The following RUBCN variants were observed in gnomAD, a reference collection of about 807,000 sequenced individuals.
The protein encoded by RUBCN is rubicon autophagy regulator.
RUBCN carries 74 observed loss-of-function variants against 113.2 expected under a neutral mutation model. That is an observed-to-expected ratio of 0.65 (90% CI 0.54 to 0.79). The LOEUF (loss-of-function observed/expected upper bound fraction) is 0.79. RUBCN is among the 30% of genes least tolerant of loss of function. The pLI is 0.00. For synonymous variants in RUBCN, 480 were observed against 490.0 expected (o/e 0.98, Z 0.27); for missense variants, 1,109 against 1,251.7 (o/e 0.89, Z 1.72).
chr3:197,724,387 T>C (rs1034513065), intron 1 of RUBCN, among the ~76,000 whole-genome samples: 3 of 152,210 alleles, frequency 2.0e-5, no homozygotes, highest in Admixed American at 6.5e-5. Flanking sequence ...GAGTATCTTA[T>C]ATGTGATATA....
chr3:197,678,642 TCTAA>T (rs552229609), intron 16 of RUBCN, among the ~76,000 whole-genome samples: 1,515 of 148,524 alleles, frequency 0.01, 10 homozygotes, highest in Non-Finnish European at 0.013. Flanking sequence ...TGTCCTACGC[TCTAA>T]CTGACAACTG....
At chr3:197,709,381 T>C (rs1314427949) in intron 2 of RUBCN, among the ~76,000 whole-genome samples, 2 of 152,030 alleles carry the variant, frequency 1.3e-5, no homozygotes, top group South Asian at 2.1e-4. Context: ...AAAGCTACTA[T>C]GGGTTTTTTT....
chr3:197,686,248 C>T (rs761144843), intron 11 of RUBCN, among the ~76,000 whole-genome samples: 9 of 150,460 alleles, frequency 6.0e-5, no homozygotes, highest in African/African-American at 2.0e-4. Context: ...AGAGAAGAAA[C>T]CTTTTTTTTT....
chr3:197,675,008 C>T lies in RUBCN; in HGVS notation c.*10G>A, dbSNP rs779037299. On this transcript the variant is annotated 3_prime_UTR_variant, in exon 20 of 20. Transcript: ENST00000296343. This position sits in a 1 kb window ranked among gnomAD's most constrained non-coding sequence, Gnocchi z 4.4. The stretch of plus-strand genomic sequence containing the variant: ...GACCCGGCCCGGAGGGAGGGCTGCA[C>T]GTGCTTTCTTCAGGTGGCCTCCAGG... The T allele has an allele frequency of 2.6e-5, 42 of 1,610,628 alleles. No individual in the cohort carries two copies. The highest frequency in any genetic ancestry group is 8.9e-5 in the East Asian group (4 of 44,870).
chr3:197,677,633 C>T, intron 16 of RUBCN, 92 bp from the exon 17 acceptor site: 2 of 1,164,820 alleles, frequency 1.7e-6, no homozygotes, highest in Non-Finnish European at 2.6e-6. Context: ...CCCTGGGGTT[C>T]TAGAAGCCTT....
In RUBCN at chr3:197,681,016, G is replaced by C; in HGVS notation, c.2430+113C>G. The stretch of plus-strand genomic sequence containing the variant: ...AGGAGAGGAGACGAGGGGAGGGGAT[G>C]GGGGGAGGGGACAAGAGGAGGGGAT... On this transcript the variant is annotated intron_variant, in intron 16 of 19. Transcript: ENST00000296343. This position sits in a 1 kb window ranked among gnomAD's most constrained non-coding sequence, Gnocchi z 5.5. 1 of 647,702 alleles carries C rather than the reference G, an allele frequency of 1.5e-6. No individual in the cohort carries two copies. The highest frequency in any genetic ancestry group is 1.6e-5 in the South Asian group (1 of 63,098). The allele number at this position is 647,702 out of a possible 1,614,324, so 40.1% of individuals were successfully genotyped here.
At position 197,670,932 on chromosome 3, in the gene RUBCN, G is replaced by A. The variant is rs116294681; in HGVS notation, c.*4086C>T. ...AGGAGATGAGGACACGCTCACTACT[G>A]CAGAGACTTGGTGAGCACTAAGAGG... On this transcript the variant is annotated 3_prime_UTR_variant, in exon 20 of 20. Transcript: ENST00000296343. 8.7e-3 allele frequency among the ~76,000 whole-genome samples: 1,324 copies of A among 152,314 alleles called. 15 individuals carry two copies. The highest frequency in any genetic ancestry group is 0.031 in the African/African-American group (1,269 of 41,564).
intron 2 of RUBCN, among the ~76,000 whole-genome samples, chr3:197,712,441 G>A (rs1304364304): frequency 1.3e-5 from 2 of 152,148 alleles, no homozygotes; most frequent in Non-Finnish European, 2.9e-5. Context: ...CTCCTGACGA[G>A]GGCACAACAC....
At position 197,682,471 on chromosome 3, in the gene RUBCN, T is replaced by G. The variant is rs948044595; in HGVS notation, c.2125A>C (p.Thr709Pro). 1 of 1,614,164 alleles carries G rather than the reference T, an allele frequency of 6.2e-7. No homozygotes were observed. The highest frequency in any genetic ancestry group is 1.1e-5 in the South Asian group (1 of 91,084). Residue 709 changes from threonine to proline, a missense_variant and splice_region_variant, in exon 14 of 20, where the codon ACG becomes CCG. Coordinates refer to ENST00000296343, the MANE Select transcript of RUBCN (RefSeq NM_014687.4). ...AGGGCACAGACACTGGCCACTCACG[T>G]TGGGGCTGGATGAACATTAAAAATT... ...QIIFNVHPAPTRKIAVAKQNY... is the reference protein window; with the variant it reads ...QIIFNVHPAPPRKIAVAKQNY...
Position 197,674,855 on chromosome 3 carries a change from T to TCGGTGGTC in RUBCN, c.*162_*163insGACCACCG. The TCGGTGGTC allele has an allele frequency of 1.7e-6, 1 of 597,790 alleles. No homozygotes were observed. Among genetic ancestry groups the TCGGTGGTC allele is most frequent in the Non-Finnish European group, 2.7e-6 (1 of 367,932 alleles). The allele number at this position is 597,790 out of a possible 1,614,324, so 37.0% of individuals were successfully genotyped here. ...ACCCATCAACCTGCCGACGGCTGAC[T>TCGGTGGTC]GCACACAGACGTCAGACAAGTCAGT... On this transcript the variant is annotated 3_prime_UTR_variant, in exon 20 of 20. Transcript: ENST00000296343.
intron 18 of RUBCN, chr3:197,676,316 C>T (rs1350217371): frequency 1.0e-6 from 1 of 1,001,508 alleles, no homozygotes; most frequent in African/African-American, 1.7e-5. Flanking sequence ...TCTCCTCTCA[C>T]ATCATGACAA....
intron 1 of RUBCN, among the ~76,000 whole-genome samples, chr3:197,742,979 G>C (rs1166476922): frequency 2.6e-5 from 4 of 152,184 alleles, no homozygotes; most frequent in African/African-American, 7.2e-5. Context: ...CTTCCCTAGG[G>C]AGGGCAAGGC....
Position 197,674,930 on chromosome 3 carries a change from AGCCCC to A in RUBCN, c.*83_*87del. 1.1e-5 allele frequency: 11 copies of A among 1,043,736 alleles called. No individual in the cohort carries two copies. In the East Asian group the frequency reaches 1.1e-4, roughly 10 times the overall value. The allele number at this position is 1,043,736 out of a possible 1,614,324, so 64.7% of individuals were successfully genotyped here. On this transcript the variant is annotated 3_prime_UTR_variant, in exon 20 of 20. Transcript: ENST00000296343. Reference sequence around the variant, plus strand: ...AATTAAAAAAAAAAAAAAAAAAAGAAGCCCCAGGTGGGGCGAGTCCTTCAAAGAGT... The same window carrying A: ...AATTAAAAAAAAAAAAAAAAAAAGAAAGGTGGGGCGAGTCCTTCAAAGAGT...
rs975506175 is a variant in RUBCN at position 197,675,584 on chromosome 3, A to G, written c.2647-69T>C. 1 of 1,179,870 alleles carries G rather than the reference A, an allele frequency of 8.5e-7. No individual in the cohort carries two copies. The highest frequency in any genetic ancestry group is 1.3e-6 in the Non-Finnish European group (1 of 790,022). The allele number at this position is 1,179,870 out of a possible 1,614,324, so 73.1% of individuals were successfully genotyped here. On this transcript the variant is annotated intron_variant, in intron 18 of 19. Coordinates refer to ENST00000296343, the MANE Select transcript of RUBCN (RefSeq NM_014687.4). This position sits in a 1 kb window ranked among gnomAD's most constrained non-coding sequence, Gnocchi z 4.4. ...CAGGAACTGGCACGGGAGGGTGAAC[A>G]CCGAGGAGGGGAGTGGTCTACAGGG... is the stretch of plus-strand genomic sequence containing the variant.
chr3:197,736,983 A>G (rs1728227554), upstream of RUBCN: 7 of 1,199,256 alleles, frequency 5.8e-6, no homozygotes, highest in Non-Finnish European at 7.3e-6. Context: ...GCGTCCTCCA[A>G]TCCCAGGCCG....
At chr3:197,710,785 T>TATA (rs1724877113) in intron 2 of RUBCN, among the ~76,000 whole-genome samples, 1 of 151,976 alleles carries the variant, frequency 6.6e-6, no homozygotes, top group Non-Finnish European at 1.5e-5. Context: ...CAATGACACT[T>TATA]ATAATATCTT....
upstream of RUBCN, among the ~76,000 whole-genome samples, chr3:197,740,775 C>T (rs774458845): frequency 6.6e-6 from 1 of 151,868 alleles, no homozygotes; most frequent in African/African-American, 2.4e-5. Flanking sequence ...TGCCCAACAC[C>T]ACGCCCAGTT....
intron 5 of RUBCN, among the ~76,000 whole-genome samples, chr3:197,703,068 T>C (rs941377691): frequency 2.0e-5 from 3 of 151,978 alleles, no homozygotes; most frequent in African/African-American, 7.3e-5. Flanking sequence ...TCTACTTCAA[T>C]AGGTACTTAA....
intron 1 of RUBCN, among the ~76,000 whole-genome samples, chr3:197,730,434 T>A (rs1406758859): frequency 1.3e-5 from 2 of 152,072 alleles, no homozygotes; most frequent in African/African-American, 4.8e-5. Context: ...AAGCTTGGAG[T>A]TGCTATGGTA....
Sources: allele counts gnomAD v4.1 joint callset (sites outside exome capture counted in the v4.1 genomes callset), GRCh38; gene constraint gnomAD v4.1.1; non-coding constraint Gnocchi (gnomAD v3.1); transcripts MANE v1.5; gene names NCBI Gene and HGNC (gene_info 2026-07-23, HGNC 2026-07-21).